Variants in NUDT3 observed in about 807,000 individuals in gnomAD.
The protein encoded by NUDT3 is nudix hydrolase 3.
In NUDT3, 9 loss-of-function variants were observed where a neutral mutation model predicts 23.6. The ratio of observed to expected loss-of-function variants is 0.38; its 90% CI spans 0.23 to 0.66. The LOEUF (loss-of-function observed/expected upper bound fraction) is 0.66. Among genes scored for constraint, NUDT3 ranks in the 30% least tolerant of loss-of-function variants. The pLI is 0.52. For missense variants in NUDT3, 172 were observed against 218.5 expected (o/e 0.79, Z 1.34); for synonymous variants, 86 against 82.6 (o/e 1.04, Z -0.22).
intron 2 of NUDT3, among the ~76,000 whole-genome samples, chr6:34,317,441 C>T (rs575469141): frequency 3.3e-5 from 5 of 151,934 alleles, no homozygotes; most frequent in Non-Finnish European, 7.4e-5. Context: ...AGGACTGAAT[C>T]CCAAGGCATC....
At chr6:34,366,009 C>G (rs1223781338) in intron 1 of NUDT3, among the ~76,000 whole-genome samples, 1 of 152,010 alleles carries the variant, frequency 6.6e-6, no homozygotes, top group African/African-American at 2.4e-5. Context: ...CCACTGCACT[C>G]TAGCCTGAGA....
rs911215149 is a variant in NUDT3, at chr6:34,339,716, A to C, written c.210+2146T>G. Among the ~76,000 whole-genome samples the C allele has an allele frequency of 3.3e-5, 5 of 152,348 alleles. No homozygotes were observed. In the East Asian group the frequency reaches 5.8e-4, roughly 18 times the overall value. On this transcript the variant is annotated intron_variant, in intron 2 of 4. Coordinates refer to ENST00000607016, the MANE Select transcript of NUDT3 (RefSeq NM_006703.4). ...GGCTACTTTTGCCCTATAATGGCAGAGTTAAATAGCTGTGACAGAGATTGT... is the reference window on the plus strand; with the variant it reads ...GGCTACTTTTGCCCTATAATGGCAGCGTTAAATAGCTGTGACAGAGATTGT...
At chr6:34,349,231 G>A (rs1339223296) in intron 1 of NUDT3, among the ~76,000 whole-genome samples, 1 of 152,104 alleles carries the variant, frequency 6.6e-6, no homozygotes, top group Non-Finnish European at 1.5e-5. Flanking sequence ...TAATGGAGCA[G>A]GTTCCTGCAG....
At chr6:34,373,030 A>G (rs1317505202) in intron 1 of NUDT3, among the ~76,000 whole-genome samples, 1 of 151,888 alleles carries the variant, frequency 6.6e-6, no homozygotes, top group Non-Finnish European at 1.5e-5. Flanking sequence ...CTGTAATTCC[A>G]GCACTTTGGG....
intron 2 of NUDT3, among the ~76,000 whole-genome samples, chr6:34,317,932 T>C (rs1323008955): frequency 1.3e-5 from 2 of 152,184 alleles, no homozygotes; most frequent in Non-Finnish European, 2.9e-5. Flanking sequence ...GTGAACCATC[T>C]CTTTCCCAAC....
intron 1 of NUDT3, among the ~76,000 whole-genome samples, chr6:34,366,445 GGAGA>G (rs1232897992): frequency 3.2e-5 from 4 of 126,286 alleles, no homozygotes; most frequent in African/African-American, 9.1e-5. Flanking sequence ...AGAGAGAGAA[GGAGA>G]GAGAGAGAGA....
At chr6:34,307,033 A>G (rs1561901712) in intron 2 of NUDT3, among the ~76,000 whole-genome samples, 1 of 152,196 alleles carries the variant, frequency 6.6e-6, no homozygotes, top group Non-Finnish European at 1.5e-5. Flanking sequence ...AGTCTATTAA[A>G]AGCAAGATAC....
At chr6:34,318,290 T>C (rs1179307436) in intron 2 of NUDT3, among the ~76,000 whole-genome samples, 1 of 152,206 alleles carries the variant, frequency 6.6e-6, no homozygotes, top group Non-Finnish European at 1.5e-5. Context: ...CTGGAAAAGA[T>C]GATGGGGTTG....
chr6:34,367,458 G>A (rs1554157990), intron 1 of NUDT3, among the ~76,000 whole-genome samples: 1 of 150,070 alleles, frequency 6.7e-6, no homozygotes, highest in Non-Finnish European at 1.5e-5. Context: ...CTACAGCCTG[G>A]ACGACAAGAG....
chr6:34,329,303 G>T (rs1291405307), intron 2 of NUDT3, among the ~76,000 whole-genome samples: 6 of 151,190 alleles, frequency 4.0e-5, no homozygotes, highest in African/African-American at 1.5e-4. Context: ...TTTTTGAGAT[G>T]AAGTCTCGCT....
At chr6:34,295,536 T>TAAA in intron 3 of NUDT3, 105 bp downstream of exon 3, 208 of 1,112,668 alleles carry the variant, frequency 1.9e-4, no homozygotes, top group South Asian at 2.1e-4. Context: ...TAAAAATAAC[T>TAAA]AAAAAAAAAA....
intron 2 of NUDT3, among the ~76,000 whole-genome samples, chr6:34,299,410 A>C (rs1023998316): frequency 6.6e-6 from 1 of 152,110 alleles, no homozygotes. Flanking sequence ...GTTAACAAAA[A>C]TAATCTGAAC....
chr6:34,340,131 G>A (rs936983434), intron 2 of NUDT3, among the ~76,000 whole-genome samples: 1 of 152,146 alleles, frequency 6.6e-6, no homozygotes, highest in Non-Finnish European at 1.5e-5. Flanking sequence ...GAATGTGTAA[G>A]GATAGAGCTG....
chr6:34,391,313 A>C (rs1765195465), intron 1 of NUDT3, among the ~76,000 whole-genome samples: 1 of 152,092 alleles, frequency 6.6e-6, no homozygotes, highest in African/African-American at 2.4e-5. Context: ...TTTAACTGCC[A>C]TTTTACCACC....
intron 1 of NUDT3, among the ~76,000 whole-genome samples, chr6:34,376,245 T>C (rs894598145): frequency 2.6e-5 from 4 of 151,948 alleles, no homozygotes; most frequent in Admixed American, 6.6e-5. Context: ...AGCTCCTTCA[T>C]CTTTTTTTTT....
chr6:34,327,748 AG>A (rs1229412817), intron 2 of NUDT3, among the ~76,000 whole-genome samples: 7 of 152,136 alleles, frequency 4.6e-5, no homozygotes, highest in Admixed American at 3.9e-4. Flanking sequence ...CACAAGAAGC[AG>A]GTGAAGCAGA....
At chr6:34,351,741 C>CA (rs1017090378) in intron 1 of NUDT3, among the ~76,000 whole-genome samples, 2,606 of 53,692 alleles carry the variant, frequency 0.049, 100 homozygotes, top group African/African-American at 0.1. Flanking sequence ...AACTCTGTCT[C>CA]AAAAAAAAAA....
At chr6:34,371,087 G>A (rs1283471023) in intron 1 of NUDT3, among the ~76,000 whole-genome samples, 1 of 149,816 alleles carries the variant, frequency 6.7e-6, no homozygotes, top group Non-Finnish European at 1.5e-5. Context: ...CTCCAGCCTG[G>A]GCAACAGAGC....
chr6:34,336,272 CAAACA>C (rs1473686775), intron 2 of NUDT3, among the ~76,000 whole-genome samples: 2 of 151,972 alleles, frequency 1.3e-5, no homozygotes, highest in African/African-American at 2.4e-5. Context: ...AACAAACAAA[CAAACA>C]AAAGGTTATA....
Sources: allele counts gnomAD v4.1 joint callset (sites outside exome capture counted in the v4.1 genomes callset), GRCh38; gene constraint gnomAD v4.1.1; transcripts MANE v1.5; gene names NCBI Gene and HGNC (gene_info 2026-07-23, HGNC 2026-07-21).